The following HUNK variants were observed in gnomAD, a reference collection of about 807,000 sequenced individuals.
HUNK encodes the protein hormonally up-regulated neu tumor-associated kinase.
Under a neutral mutation model 61.0 loss-of-function variants are expected in HUNK, and 21 were observed. The observed-to-expected ratio is 0.34, with a 90% confidence interval of 0.24 to 0.50. HUNK has a LOEUF of 0.50. HUNK is among the 20% of genes least tolerant of loss of function. The pLI is 0.98. For synonymous variants in HUNK, 371 were observed against 386.1 expected, an observed-to-expected ratio of 0.96 and a Z score of 0.46; for missense variants, 772 against 945.7, an observed-to-expected ratio of 0.82 and a Z score of 2.41.
chr21:31,891,469 A>G (rs1188451983), intron 1 of HUNK, among the ~76,000 whole-genome samples: 1 of 152,256 alleles, frequency 6.6e-6, no homozygotes, highest in African/African-American at 2.4e-5. Flanking sequence ...TGATTGGCCC[A>G]GACTCTGACT....
intron 5 of HUNK, among the ~76,000 whole-genome samples, chr21:31,960,752 A>G (rs1308661284): frequency 6.6e-6 from 1 of 152,200 alleles, no homozygotes; most frequent in Non-Finnish European, 1.5e-5. Context: ...AACTGCCTCC[A>G]TGATTCAATT....
At chr21:31,995,617 C>A in intron 9 of HUNK, 151 bp from the exon 10 acceptor site, 1 of 689,406 alleles carries the variant, frequency 1.5e-6, no homozygotes, top group Non-Finnish European at 2.5e-6. Context: ...TTGGCTGGGC[C>A]ACAGCTCCTC....
At chr21:31,892,136 T>G (rs1402006919) in intron 1 of HUNK, among the ~76,000 whole-genome samples, 70 of 122,060 alleles carry the variant, frequency 5.7e-4, no homozygotes, top group African/African-American at 2.1e-3. Flanking sequence ...TGGTATTCAA[T>G]GAGAATTTGG....
intron 1 of HUNK, among the ~76,000 whole-genome samples, chr21:31,916,068 T>C (rs1286043019): frequency 2.1e-5 from 3 of 143,768 alleles, no homozygotes; most frequent in Non-Finnish European, 4.6e-5. Flanking sequence ...TTTTTTTTTT[T>C]GAGACGGAGT....
chr21:31,988,547 A>G (rs1190107177), intron 8 of HUNK, among the ~76,000 whole-genome samples: 1 of 152,004 alleles, frequency 6.6e-6, no homozygotes, highest in African/African-American at 2.4e-5. Flanking sequence ...TTACGGATGC[A>G]TCACTATGAT....
At chr21:31,889,903 A>G (rs1183286578) in intron 1 of HUNK, among the ~76,000 whole-genome samples, 1 of 152,176 alleles carries the variant, frequency 6.6e-6, no homozygotes, top group Non-Finnish European at 1.5e-5. Context: ...CCAGATTTCA[A>G]AGGGACATAT....
chr21:31,879,215 G>A (rs1437731455), intron 1 of HUNK, among the ~76,000 whole-genome samples: 1 of 152,212 alleles, frequency 6.6e-6, no homozygotes, highest in Non-Finnish European at 1.5e-5. Flanking sequence ...TTTTTGAAGT[G>A]CTAGAAGTTT....
At chr21:31,904,885 A>G (rs941908306) in intron 1 of HUNK, among the ~76,000 whole-genome samples, 3 of 152,260 alleles carry the variant, frequency 2.0e-5, no homozygotes, top group Non-Finnish European at 4.4e-5. Context: ...TGAGGTCAGG[A>G]GTTTGAGACC....
intron 1 of HUNK, among the ~76,000 whole-genome samples, chr21:31,880,877 G>A (rs1372602653): frequency 1.3e-5 from 2 of 152,248 alleles, no homozygotes; most frequent in Non-Finnish European, 2.9e-5. Flanking sequence ...GCACTGGGCA[G>A]AGGGAGAAGC....
At chr21:31,882,456 G>T (rs2052314999) in intron 1 of HUNK, among the ~76,000 whole-genome samples, 1 of 152,110 alleles carries the variant, frequency 6.6e-6, no homozygotes, top group African/African-American at 2.4e-5. Context: ...TCTAGTCCTT[G>T]TGTATCCCTC....
intron 5 of HUNK, among the ~76,000 whole-genome samples, chr21:31,962,981 CA>C (rs781280990): frequency 6.6e-6 from 1 of 152,212 alleles, no homozygotes; most frequent in Non-Finnish European, 1.5e-5. Flanking sequence ...CAGCCCAGGG[CA>C]TCTTATCTGG....
intron 3 of HUNK, among the ~76,000 whole-genome samples, chr21:31,943,961 T>A (rs1370986836): frequency 6.6e-6 from 1 of 152,268 alleles, no homozygotes; most frequent in East Asian, 1.9e-4. Flanking sequence ...TGGTGCTGTC[T>A]CTCACAGTAG....
chr21:31,993,988 C>T (rs1168537202), intron 9 of HUNK, among the ~76,000 whole-genome samples: 1 of 152,162 alleles, frequency 6.6e-6, no homozygotes, highest in East Asian at 1.9e-4. Context: ...GGGTTGACAA[C>T]ATCAACTTCA....
intron 5 of HUNK, among the ~76,000 whole-genome samples, chr21:31,960,681 A>G (rs118110015): frequency 0.025 from 3,729 of 152,146 alleles, 75 homozygotes; most frequent in Non-Finnish European, 0.04. Flanking sequence ...GTGCAGGGGA[A>G]ATCCTATTTA....
intron 1 of HUNK, among the ~76,000 whole-genome samples, chr21:31,892,231 T>TAC (rs2052395921): frequency 6.9e-6 from 1 of 144,998 alleles, no homozygotes; most frequent in African/African-American, 2.6e-5. Context: ...TGTGTGTGTG[T>TAC]ACAGCACGTA....
chr21:31,928,439 A>C (rs901442700), intron 2 of HUNK, among the ~76,000 whole-genome samples: 1 of 152,196 alleles, frequency 6.6e-6, no homozygotes, highest in Non-Finnish European at 1.5e-5. Flanking sequence ...CAATGAATTT[A>C]ATAATGTTTT....
At chr21:31,889,609 T>C (rs1190782441) in intron 1 of HUNK, among the ~76,000 whole-genome samples, 1 of 152,218 alleles carries the variant, frequency 6.6e-6, no homozygotes, top group African/African-American at 2.4e-5. Flanking sequence ...TTTCATAGTG[T>C]CATTCCCATA....
At chr21:31,941,554 G>A (rs1028468103) in intron 3 of HUNK, among the ~76,000 whole-genome samples, 2 of 152,126 alleles carry the variant, frequency 1.3e-5, no homozygotes, top group African/African-American at 2.4e-5. Context: ...TGATCTGCCC[G>A]CCTTGGTCTC....
chr21:31,981,895 A>C (rs2123242112), intron 7 of HUNK, among the ~76,000 whole-genome samples: 1 of 151,890 alleles, frequency 6.6e-6, no homozygotes, highest in African/African-American at 2.4e-5. Flanking sequence ...AAATATTTTT[A>C]TTTTTATTTT....
Sources: allele counts gnomAD v4.1 joint callset (sites outside exome capture counted in the v4.1 genomes callset), GRCh38; gene constraint gnomAD v4.1.1; transcripts MANE v1.5; gene names NCBI Gene and HGNC (gene_info 2026-07-23, HGNC 2026-07-21).